The following COL5A2 variants were observed in gnomAD, a reference collection of about 807,000 sequenced individuals.
COL5A2 encodes the protein collagen alpha-2(V) chain.
COL5A2 carries 23 observed loss-of-function variants against 208.2 expected under a neutral mutation model. The observed-to-expected ratio is 0.11, with a 90% CI of 0.08 to 0.16. The LOEUF (loss-of-function observed/expected upper bound fraction) is 0.16. Ranked by LOEUF, COL5A2 falls within the 10% of genes least tolerant of loss-of-function variation. The pLI is 1.00. For missense variants in COL5A2, 1,590 were observed against 1,956.4 expected (o/e 0.81, Z 3.53); for synonymous variants, 625 against 628.5 (o/e 0.99, Z 0.08).
the COL5A2 span, among the ~76,000 whole-genome samples, chr2:189,318,055 T>C: frequency 6.6e-6 from 1 of 152,194 alleles, no homozygotes. Context: ...AGCTCTGGAA[T>C]TCTCTAGAAG....
At chr2:189,353,412 C>T in the COL5A2 span, among the ~76,000 whole-genome samples, 2 of 152,190 alleles carry the variant, frequency 1.3e-5, no homozygotes, top group African/African-American at 4.8e-5. Flanking sequence ...TTGATTCTTC[C>T]TATCCATGAG....
upstream of COL5A2, among the ~76,000 whole-genome samples, chr2:189,184,766 T>C (rs1688825574): frequency 1.3e-5 from 2 of 152,104 alleles, no homozygotes; most frequent in Non-Finnish European, 2.9e-5. Flanking sequence ...ATGTGTAAGG[T>C]AACATACTCA....
intron 29 of COL5A2, 125 bp from the exon 30 acceptor site, chr2:189,061,740 G>T (rs985448654): frequency 1.1e-5 from 9 of 782,776 alleles, no homozygotes; most frequent in Non-Finnish European, 1.8e-5. Flanking sequence ...TTTCTCTTTA[G>T]CCAGGTAATA....
intron 2 of COL5A2, among the ~76,000 whole-genome samples, chr2:189,109,810 T>C (rs1406636768): frequency 6.6e-6 from 1 of 152,228 alleles, no homozygotes; most frequent in Non-Finnish European, 1.5e-5. Context: ...ACATTAGGAA[T>C]AAGTATTCCA....
At chr2:189,378,509 G>T in the COL5A2 span, among the ~76,000 whole-genome samples, 4 of 152,146 alleles carry the variant, frequency 2.6e-5, no homozygotes, top group Non-Finnish European at 5.9e-5. Flanking sequence ...AGGATCATGA[G>T]GTCAAGAGAT....
At chr2:189,093,551 T>C (rs1283356813) in intron 6 of COL5A2, among the ~76,000 whole-genome samples, 1 of 152,104 alleles carries the variant, frequency 6.6e-6, no homozygotes, top group Non-Finnish European at 1.5e-5. Context: ...ATTCAGAAAT[T>C]TAATTATTTT....
At chr2:189,041,819 G>A in intron 49 of COL5A2, 126 bp from the exon 50 acceptor site, 1 of 654,028 alleles carries the variant, frequency 1.5e-6, no homozygotes, top group South Asian at 1.8e-5. Flanking sequence ...TTTTCTTACT[G>A]ATTAATAAAT....
At chr2:189,098,355 T>C (rs892731337) in intron 5 of COL5A2, among the ~76,000 whole-genome samples, 1 of 152,212 alleles carries the variant, frequency 6.6e-6, no homozygotes, top group African/African-American at 2.4e-5. Context: ...TCTACTGCAA[T>C]ATATAATTTT....
the COL5A2 span, among the ~76,000 whole-genome samples, chr2:189,405,798 G>A: frequency 6.6e-6 from 1 of 152,188 alleles, no homozygotes; most frequent in East Asian, 1.9e-4. Flanking sequence ...TGGAATTATA[G>A]CACATTTTAG....
chr2:189,132,880 C>A (rs1687744933), intron 1 of COL5A2, among the ~76,000 whole-genome samples: 2 of 151,620 alleles, frequency 1.3e-5, no homozygotes, highest in African/African-American at 4.8e-5. Context: ...GAGATCGCAC[C>A]ACTGCACTCC....
intron 1 of COL5A2, among the ~76,000 whole-genome samples, chr2:189,121,194 C>G: frequency 6.6e-6 from 1 of 151,596 alleles, no homozygotes; most frequent in East Asian, 1.9e-4. Context: ...TCCTTATTTC[C>G]TTTCTTTAAT....
chr2:189,113,473 C>T (rs896306680), intron 1 of COL5A2, among the ~76,000 whole-genome samples: 2 of 151,586 alleles, frequency 1.3e-5, no homozygotes, highest in African/African-American at 2.4e-5. Flanking sequence ...GTGTTCCTTT[C>T]TGTCCTCAAA....
chr2:189,138,640 C>T (rs1187611659), intron 1 of COL5A2, among the ~76,000 whole-genome samples: 10 of 152,046 alleles, frequency 6.6e-5, no homozygotes, highest in Admixed American at 2.6e-4. Context: ...TTTGAATAAA[C>T]AGCTGATTCT....
At chr2:189,073,357 TA>T (rs983252543) in intron 17 of COL5A2, among the ~76,000 whole-genome samples, 47 of 152,268 alleles carry the variant, frequency 3.1e-4, no homozygotes, top group African/African-American at 1.0e-3. Flanking sequence ...ATTACTACAT[TA>T]AAAAATGGCT....
chr2:189,092,876 C>A (rs575945381), intron 6 of COL5A2, among the ~76,000 whole-genome samples: 68 of 152,208 alleles, frequency 4.5e-4, no homozygotes, highest in African/African-American at 1.6e-3. Context: ...ATTCAAGAAT[C>A]CCTTGATTGG....
the COL5A2 span, among the ~76,000 whole-genome samples, chr2:189,394,092 T>C: frequency 2.6e-5 from 4 of 152,180 alleles, no homozygotes; most frequent in Non-Finnish European, 5.9e-5. Flanking sequence ...TCTGTATAAT[T>C]GCTTGAGTCC....
At chr2:189,363,238 C>T in the COL5A2 span, among the ~76,000 whole-genome samples, 1 of 151,902 alleles carries the variant, frequency 6.6e-6, no homozygotes, top group East Asian at 1.9e-4. Flanking sequence ...GTCTTCTTGC[C>T]CATCTGGAAA....
chr2:189,351,631 C>A, the COL5A2 span, among the ~76,000 whole-genome samples: 265 of 151,718 alleles, frequency 1.7e-3, no homozygotes, highest in Middle Eastern at 3.4e-3. Context: ...CTGCTATGTG[C>A]AAGTATTGTT....
intron 7 of COL5A2, among the ~76,000 whole-genome samples, chr2:189,089,078 G>T (rs1267594222): frequency 1.3e-5 from 2 of 152,152 alleles, no homozygotes; most frequent in Non-Finnish European, 2.9e-5. Context: ...CAGTCTAATT[G>T]ATTGCAGGTT....
Sources: gnomAD v4.1 joint callset for allele counts (sites outside exome capture counted in the v4.1 genomes callset) on GRCh38, gnomAD v4.1.1 for gene constraint, MANE v1.5 for transcripts, NCBI Gene and HGNC (gene_info 2026-07-23, HGNC 2026-07-21) for gene names.